Variants in L2HGDH observed in about 807,000 individuals in gnomAD.
L2HGDH encodes the protein L-2-hydroxyglutarate dehydrogenase, mitochondrial.
L2HGDH carries 34 observed loss-of-function variants against 51.5 expected under a neutral mutation model. The ratio of observed to expected loss-of-function variants is 0.66; its 90% confidence interval spans 0.50 to 0.88. The LOEUF is 0.88. L2HGDH is among the 40% of genes least tolerant of loss of function. The pLI is 0.00. For missense variants in L2HGDH, 558 were observed against 571.9 expected, an observed-to-expected ratio of 0.98 and a Z score of 0.25; for synonymous variants, 198 against 197.9, an observed-to-expected ratio of 1.00 and a Z score of -0.01.
intron 3 of L2HGDH, among the ~76,000 whole-genome samples, chr14:50,298,912 G>A (rs148924363): frequency 1.7e-3 from 259 of 152,096 alleles, no homozygotes; most frequent in East Asian, 9.7e-4. Flanking sequence ...ATCTAACAAT[G>A]CATCTTAAAA....
At chr14:50,250,716 C>T (rs1429433303) in intron 9 of L2HGDH, among the ~76,000 whole-genome samples, 1 of 152,140 alleles carries the variant, frequency 6.6e-6, no homozygotes. Context: ...GAAAGAGACT[C>T]CATTTATTTG....
In L2HGDH at chr14:50,278,554, C is replaced by A; in HGVS notation, c.704G>T (p.Gly235Val). 7.0e-7 allele frequency: 1 copy of A among 1,425,082 alleles called. No homozygotes were observed. Among genetic ancestry groups the A allele is most frequent in the South Asian group, 1.2e-5 (1 of 82,154 alleles). The allele number at this position is 1,425,082 out of a possible 1,614,324, so 88.3% of individuals were successfully genotyped here. The change falls in exon 6 of 10, where the codon GGA becomes GTA. Residue 235 changes from glycine (G) to valine (V), a missense_variant and splice_region_variant. Gly to Val is a moderately radical substitution (Grantham distance 109). Coordinates refer to ENST00000267436, the MANE Select transcript of L2HGDH (RefSeq NM_024884.3). ...AKESPSRSID[G>V]MQYPIVIKNT... is the part of the protein sequence containing the mutation. Reference sequence around the variant, plus strand: ...CTTTATAACAATTGGATATTGCATTCCTGAAAAAAAAGAATAAGTGAAAAA... The same window carrying A: ...CTTTATAACAATTGGATATTGCATTACTGAAAAAAAAGAATAAGTGAAAAA...
chr14:50,257,306 T>G (rs1448144353), intron 9 of L2HGDH, among the ~76,000 whole-genome samples: 7 of 152,130 alleles, frequency 4.6e-5, no homozygotes, highest in African/African-American at 1.4e-4. Context: ...ACCTTCCAAT[T>G]TGATAATTTC....
At chr14:50,251,469 T>C (rs1888347106) in intron 9 of L2HGDH, among the ~76,000 whole-genome samples, 2 of 152,044 alleles carry the variant, frequency 1.3e-5, no homozygotes, top group African/African-American at 2.4e-5. Context: ...AAAGGGATGA[T>C]AACAGAGAAC....
At chr14:50,274,842 T>C (rs1038392598) in intron 6 of L2HGDH, among the ~76,000 whole-genome samples, 25 of 152,186 alleles carry the variant, frequency 1.6e-4, no homozygotes, top group Admixed American at 1.3e-3. Context: ...GCATGGAAGA[T>C]ACTGTGCTAA....
intron 1 of L2HGDH, 75 bp downstream of exon 1, chr14:50,311,936 G>A (rs1308093842): frequency 1.3e-6 from 2 of 1,525,512 alleles, no homozygotes; most frequent in Middle Eastern, 2.3e-4. Flanking sequence ...ATACGAACAG[G>A]GGCACAGGTC....
chr14:50,254,085 C>G (rs576626857), intron 9 of L2HGDH, among the ~76,000 whole-genome samples: 8 of 151,728 alleles, frequency 5.3e-5, no homozygotes, highest in African/African-American at 7.3e-5. Flanking sequence ...ATACCTCCCC[C>G]CAAAAATAGA....
At chr14:50,258,169 A>T (rs1482910135) in intron 9 of L2HGDH, among the ~76,000 whole-genome samples, 10 of 151,978 alleles carry the variant, frequency 6.6e-5, no homozygotes, top group Non-Finnish European at 1.5e-5. Context: ...CACACAGCCA[A>T]TCTTGTTTCA....
chr14:50,290,733 C>T (rs9888570), intron 4 of L2HGDH, among the ~76,000 whole-genome samples: 1 of 151,938 alleles, frequency 6.6e-6, no homozygotes, highest in African/African-American at 2.4e-5. Context: ...GCACAATCTC[C>T]ACTCACTGCA....
chr14:50,283,718 C>A (rs1317289701), intron 5 of L2HGDH, 153 bp downstream of exon 5: 1 of 626,742 alleles, frequency 1.6e-6, no homozygotes, highest in African/African-American at 1.8e-5. Flanking sequence ...GTTATACTAT[C>A]TTTTTTATTT....
At chr14:50,294,077 A>G in intron 4 of L2HGDH, 38 bp downstream of exon 4, 1 of 1,610,198 alleles carries the variant, frequency 6.2e-7, no homozygotes, top group East Asian at 2.2e-5. Context: ...TCTCAGGACT[A>G]AGCCCTAAAT....
chr14:50,260,608 C>T (rs907341452), intron 9 of L2HGDH, among the ~76,000 whole-genome samples: 3 of 152,190 alleles, frequency 2.0e-5, no homozygotes, highest in Non-Finnish European at 4.4e-5. Context: ...ATGCCCCTTA[C>T]TTTCCCTTAC....
At chr14:50,310,936 CTTTTTTTTTTTTT>C (rs34399906) in intron 1 of L2HGDH, among the ~76,000 whole-genome samples, 8 of 82,242 alleles carry the variant, frequency 9.7e-5, no homozygotes, top group African/African-American at 2.7e-4. Flanking sequence ...CTTTTCTTTT[CTTTTTTTTTTTTT>C]TTTTTTTTTT....
rs1251212298 is a variant in L2HGDH at position 50,246,847 on chromosome 14, T to C, written c.*211A>G. ...AATTGATTCTCCTGCCTCAGCCTCC[T>C]GAGTAGCTGAGATTACAGGCATGCG... On this transcript the variant is annotated 3_prime_UTR_variant, in exon 10 of 10. Transcript: ENST00000267436. 7 of 737,368 alleles carry C rather than the reference T, an allele frequency of 9.5e-6. No individual in the cohort carries two copies. The South Asian group carries it at 1.2e-4, about 13-fold the overall frequency. The allele number at this position is 737,368 out of a possible 1,614,324, so 45.7% of individuals were successfully genotyped here.
At position 50,243,685 on chromosome 14, in the gene L2HGDH, ATT is replaced by A. The variant is rs1221383042; in HGVS notation, c.*3371_*3372del. ...ATTTTATATATATATATATATATATATTGTTTATTATTATACTTTAAGTTTTA... is the reference window on the plus strand; with the variant it reads ...ATTTTATATATATATATATATATATAGTTTATTATTATACTTTAAGTTTTA... On this transcript the variant is annotated 3_prime_UTR_variant, in exon 10 of 10. Transcript: ENST00000267436. 7.8e-5 allele frequency: 15 copies of A among 193,366 alleles called. No homozygotes were observed. The highest frequency in any genetic ancestry group is 1.1e-4 in the Non-Finnish European group (13 of 116,098). 12.0% of individuals were successfully genotyped at this position (193,366 alleles called of 1,614,324 possible).
chr14:50,269,902 A>G (rs748662133), intron 6 of L2HGDH, among the ~76,000 whole-genome samples: 19 of 152,242 alleles, frequency 1.2e-4, no homozygotes, highest in Non-Finnish European at 2.5e-4. Flanking sequence ...CCTATTGATA[A>G]TTATATCCAT....
chr14:50,297,469 T>G (rs906791297), intron 3 of L2HGDH, among the ~76,000 whole-genome samples: 1 of 152,154 alleles, frequency 6.6e-6, no homozygotes, highest in African/African-American at 2.4e-5. Context: ...TCATATTCTA[T>G]GCATTAGCAA....
At chr14:50,300,534 A>T (rs1238210937) in intron 3 of L2HGDH, among the ~76,000 whole-genome samples, 1 of 152,122 alleles carries the variant, frequency 6.6e-6, no homozygotes, top group Non-Finnish European at 1.5e-5. Context: ...ACCTCAAGTG[A>T]TCTGCCTGCC....
intron 9 of L2HGDH, among the ~76,000 whole-genome samples, chr14:50,254,058 G>A (rs890855357): frequency 6.6e-6 from 1 of 152,042 alleles, no homozygotes; most frequent in Non-Finnish European, 1.5e-5. Flanking sequence ...TACAGGGGAG[G>A]TGGGGATGGT....
Sources: allele counts gnomAD v4.1 joint callset (sites outside exome capture counted in the v4.1 genomes callset), GRCh38; gene constraint gnomAD v4.1.1; transcripts MANE v1.5; gene names NCBI Gene and HGNC (gene_info 2026-07-23, HGNC 2026-07-21).